Variants in CDC42SE2 observed in about 807,000 individuals in gnomAD.
The protein encoded by CDC42SE2 is CDC42 small effector 2.
A neutral mutation model predicts 11.5 loss-of-function variants in CDC42SE2; 3 were observed. The ratio of observed to expected loss-of-function variants is 0.26; its 90% confidence interval spans 0.12 to 0.67. The LOEUF (loss-of-function observed/expected upper bound fraction) is 0.67, where lower values mean the gene tolerates loss of function less well. Ranked by LOEUF, CDC42SE2 falls within the 30% of genes least tolerant of loss-of-function variation. CDC42SE2 has a pLI of 0.80. For missense variants in CDC42SE2, 82 were observed against 106.8 expected, an observed-to-expected ratio of 0.77 and a Z score of 1.02; for synonymous variants, 33 against 34.8, an observed-to-expected ratio of 0.95 and a Z score of 0.18.
At chr5:131,297,614 G>A (rs1757597797) in intron 1 of CDC42SE2, among the ~76,000 whole-genome samples, 1 of 152,042 alleles carries the variant, frequency 6.6e-6, no homozygotes, top group Admixed American at 6.6e-5. Context: ...CAGCTACTTG[G>A]GAGGCTGAGG....
chr5:131,293,422 A>C (rs539779204), intron 1 of CDC42SE2, among the ~76,000 whole-genome samples: 18 of 152,258 alleles, frequency 1.2e-4, no homozygotes, highest in African/African-American at 4.3e-4. Flanking sequence ...AAATACAAAA[A>C]TTAGCTGGAC....
At chr5:131,364,039 T>C (rs957278299) in intron 3 of CDC42SE2, among the ~76,000 whole-genome samples, 1 of 152,150 alleles carries the variant, frequency 6.6e-6, no homozygotes, top group African/African-American at 2.4e-5. Flanking sequence ...ACAGTACATT[T>C]GTAACAATAA....
chr5:131,393,799 G>GTCT lies in CDC42SE2; in HGVS notation c.*2710_*2712dup, dbSNP rs901454515. On this transcript the variant is annotated 3_prime_UTR_variant, in exon 5 of 5. Transcript: ENST00000505065. ...TCCTTTTCCCTGACTCATGATTTTA[G>GTCT]TCTTTTTCCAAATCGCTGTTTTTTT... 1 of 143,774 alleles carries GTCT rather than the reference G, an allele frequency of 7.0e-6. No homozygotes were observed. The highest frequency in any genetic ancestry group is 2.6e-5 in the African/African-American group (1 of 39,212). 8.9% of individuals were successfully genotyped at this position (143,774 alleles called of 1,614,324 possible).
intron 1 of CDC42SE2, among the ~76,000 whole-genome samples, chr5:131,298,961 T>G (rs149840312): frequency 6.6e-6 from 1 of 152,104 alleles, no homozygotes; most frequent in East Asian, 1.9e-4. Flanking sequence ...ACTTGGGGGA[T>G]TGGGGAATGA....
At chr5:131,336,307 C>T (rs1478177954) in intron 2 of CDC42SE2, among the ~76,000 whole-genome samples, 2 of 152,248 alleles carry the variant, frequency 1.3e-5, no homozygotes, top group Admixed American at 1.3e-4. Flanking sequence ...CCCCCACTCT[C>T]TTCTGGCTTA....
chr5:131,258,714 A>G (rs575613190), intron 2 of CDC42SE2, among the ~76,000 whole-genome samples: 48 of 152,244 alleles, frequency 3.2e-4, no homozygotes, highest in Non-Finnish European at 6.0e-4. Context: ...TGATCTGACT[A>G]CCTTCTTCAC....
At chr5:131,249,401 T>C (rs1756622426) in intron 1 of CDC42SE2, among the ~76,000 whole-genome samples, 1 of 152,198 alleles carries the variant, frequency 6.6e-6, no homozygotes, top group South Asian at 2.1e-4. Flanking sequence ...ATTAATAAGA[T>C]GGTGTGGGAT....
At chr5:131,380,212 G>A (rs1230235318) in intron 3 of CDC42SE2, among the ~76,000 whole-genome samples, 2 of 151,964 alleles carry the variant, frequency 1.3e-5, no homozygotes, top group Non-Finnish European at 2.9e-5. Flanking sequence ...CTCATCACCC[G>A]AGCAGTGTAC....
intron 1 of CDC42SE2, among the ~76,000 whole-genome samples, chr5:131,268,818 T>G (rs946513733): frequency 7.0e-6 from 1 of 142,036 alleles, no homozygotes; most frequent in Non-Finnish European, 1.5e-5. Flanking sequence ...TGGTCCCATC[T>G]CGGCTTACTG....
intron 1 of CDC42SE2, among the ~76,000 whole-genome samples, chr5:131,271,548 G>A (rs961322885): frequency 6.6e-6 from 1 of 152,250 alleles, no homozygotes; most frequent in East Asian, 1.9e-4. Context: ...ATGTATGTAA[G>A]GGACTTCAGC....
At chr5:131,373,982 A>C (rs995926489) in intron 3 of CDC42SE2, among the ~76,000 whole-genome samples, 11 of 152,224 alleles carry the variant, frequency 7.2e-5, no homozygotes, top group African/African-American at 2.4e-4. Context: ...TCAACCCAGG[A>C]AGTACAAAAT....
chr5:131,268,054 C>CTTTTTTTTTTTTTTT (rs148354795), intron 1 of CDC42SE2, among the ~76,000 whole-genome samples: 2 of 65,476 alleles, frequency 3.1e-5, no homozygotes, highest in African/African-American at 7.4e-5. Flanking sequence ...CATGCTTATT[C>CTTTTTTTTTTTTTTT]TTTTTTTTTT....
chr5:131,284,074 G>A (rs1330394205), intron 1 of CDC42SE2, among the ~76,000 whole-genome samples: 1 of 152,144 alleles, frequency 6.6e-6, no homozygotes, highest in Non-Finnish European at 1.5e-5. Context: ...ATAGTTTTAC[G>A]TTTCCATCAG....
At chr5:131,364,200 C>T (rs527416051) in intron 3 of CDC42SE2, among the ~76,000 whole-genome samples, 21 of 151,838 alleles carry the variant, frequency 1.4e-4, no homozygotes, top group African/African-American at 5.1e-4. Flanking sequence ...ATAAGTGCAC[C>T]GTGGAAAAAG....
At chr5:131,323,768 A>C (rs1468676169) in intron 2 of CDC42SE2, among the ~76,000 whole-genome samples, 2 of 152,036 alleles carry the variant, frequency 1.3e-5, no homozygotes, top group Non-Finnish European at 2.9e-5. Context: ...TTTACATGAG[A>C]GGATTTGATC....
upstream of CDC42SE2, among the ~76,000 whole-genome samples, chr5:131,242,144 G>A (rs768247356): frequency 1.1e-4 from 17 of 152,066 alleles, no homozygotes; most frequent in Non-Finnish European, 2.2e-4. Context: ...TTTACTTGCC[G>A]GTATGCATTT....
intron 2 of CDC42SE2, among the ~76,000 whole-genome samples, chr5:131,350,000 A>G (rs998986762): frequency 1.3e-5 from 2 of 152,272 alleles, no homozygotes; most frequent in Admixed American, 1.3e-4. Context: ...AATAAGGAGA[A>G]CATAAATTAT....
chr5:131,230,480 C>T, the CDC42SE2 span, among the ~76,000 whole-genome samples: 3,813 of 152,258 alleles, frequency 0.025, 155 homozygotes, highest in African/African-American at 0.087. Context: ...TCACTCCAAG[C>T]CCAGGAAGTC....
At chr5:131,280,235 A>G (rs1027748481) in intron 1 of CDC42SE2, among the ~76,000 whole-genome samples, 1 of 152,180 alleles carries the variant, frequency 6.6e-6, no homozygotes, top group Admixed American at 6.5e-5. Flanking sequence ...CACACACACA[A>G]ACTGTATTTA....
Sources: gnomAD v4.1 joint callset for allele counts (sites outside exome capture counted in the v4.1 genomes callset) on GRCh38, gnomAD v4.1.1 for gene constraint, MANE v1.5 for transcripts, NCBI Gene and HGNC (gene_info 2026-07-23, HGNC 2026-07-21) for gene names.